Variants in CDH8 observed in about 807,000 individuals in gnomAD.
CDH8 encodes cadherin-8.
CDH8 carries 17 observed loss-of-function variants against 68.1 expected under a neutral mutation model. The observed-to-expected ratio is 0.25, with a 90% confidence interval of 0.17 to 0.37. The LOEUF is 0.37. Ranked by LOEUF, CDH8 falls within the 10% of genes least tolerant of loss-of-function variation. CDH8 has a pLI of 1.00. For synonymous variants in CDH8, 372 were observed against 365.1 expected, an observed-to-expected ratio of 1.02 and a Z score of -0.21; for missense variants, 763 against 999.3, an observed-to-expected ratio of 0.76 and a Z score of 3.19.
At chr16:61,666,206 GTATA>G (rs57098637) in intron 10 of CDH8, among the ~76,000 whole-genome samples, 20 of 145,594 alleles carry the variant, frequency 1.4e-4, no homozygotes, top group South Asian at 6.7e-4. Flanking sequence ...GTGTGTGTGT[GTATA>G]TATATATATA....
At chr16:62,035,007 CTT>C (rs1902419307) in intron 1 of CDH8, 2 of 152,244 alleles carry the variant, frequency 1.3e-5, no homozygotes, top group South Asian at 4.1e-4. Flanking sequence ...CGCAAGGAAA[CTT>C]TGAGGATTCT....
At chr16:61,658,317 T>C (rs1963491614) in intron 10 of CDH8, among the ~76,000 whole-genome samples, 1 of 152,034 alleles carries the variant, frequency 6.6e-6, no homozygotes, top group Non-Finnish European at 1.5e-5. Flanking sequence ...ATGATGCCTT[T>C]TCATTTCATT....
intron 8 of CDH8, among the ~76,000 whole-genome samples, chr16:61,782,489 C>G (rs1199722929): frequency 3.9e-5 from 6 of 152,062 alleles, no homozygotes; most frequent in Non-Finnish European, 8.8e-5. Context: ...GATCAAACTG[C>G]AAGGCAGCAG....
chr16:61,717,156 T>C (rs1198886169), intron 9 of CDH8, among the ~76,000 whole-genome samples: 1 of 151,644 alleles, frequency 6.6e-6, no homozygotes, highest in African/African-American at 2.4e-5. Flanking sequence ...TTAAATATTT[T>C]CCCTTCTGCT....
intron 3 of CDH8, among the ~76,000 whole-genome samples, chr16:61,875,254 T>C (rs1257904813): frequency 6.6e-6 from 1 of 152,172 alleles, no homozygotes; most frequent in Non-Finnish European, 1.5e-5. Context: ...TCATGGCTCT[T>C]ACTGTTTTTA....
chr16:61,800,967 T>C (rs1961610383), intron 7 of CDH8, among the ~76,000 whole-genome samples: 1 of 151,788 alleles, frequency 6.6e-6, no homozygotes, highest in Non-Finnish European at 1.5e-5. Context: ...TGATGCAAAA[T>C]AGAGGATTTA....
chr16:61,979,444 C>T (rs552196742), intron 2 of CDH8, among the ~76,000 whole-genome samples: 1 of 152,232 alleles, frequency 6.6e-6, no homozygotes, highest in South Asian at 2.1e-4. Flanking sequence ...TCAATTCTAC[C>T]ATCTTGCAAA....
At chr16:61,942,888 A>G (rs1181055472) in intron 2 of CDH8, among the ~76,000 whole-genome samples, 1 of 152,106 alleles carries the variant, frequency 6.6e-6, no homozygotes, top group African/African-American at 2.4e-5. Flanking sequence ...CCTGGACAAC[A>G]CGGCAAAACC....
At chr16:61,720,784 A>G (rs1009667932) in intron 9 of CDH8, among the ~76,000 whole-genome samples, 23 of 151,022 alleles carry the variant, frequency 1.5e-4, no homozygotes, top group South Asian at 1.0e-3. Context: ...AGATTTGTCT[A>G]TTATATTGAC....
chr16:61,701,609 A>G (rs112100285), intron 10 of CDH8, among the ~76,000 whole-genome samples: 4 of 152,342 alleles, frequency 2.6e-5, no homozygotes, highest in African/African-American at 9.6e-5. Flanking sequence ...GCAAATTTCC[A>G]GTATTATTCA....
At chr16:61,877,084 T>A (rs1347979536) in intron 3 of CDH8, among the ~76,000 whole-genome samples, 1 of 152,158 alleles carries the variant, frequency 6.6e-6, no homozygotes, top group Non-Finnish European at 1.5e-5. Context: ...ACATTAGGTG[T>A]CATTTCCTTT....
chr16:61,874,883 A>C (rs950373063), intron 3 of CDH8, among the ~76,000 whole-genome samples: 1 of 152,182 alleles, frequency 6.6e-6, no homozygotes, highest in Non-Finnish European at 1.5e-5. Context: ...GGTTCAACAA[A>C]AGGAATCTTT....
chr16:61,692,921 G>T (rs537486491), intron 10 of CDH8: 3 of 152,216 alleles, frequency 2.0e-5, no homozygotes, highest in East Asian at 1.9e-4. Flanking sequence ...TGGCAAAGTG[G>T]TCAACTGAGT....
intron 2 of CDH8, among the ~76,000 whole-genome samples, chr16:61,973,278 TA>T (rs1965376247): frequency 6.6e-6 from 1 of 152,208 alleles, no homozygotes; most frequent in South Asian, 2.1e-4. Context: ...GAATAGTAAA[TA>T]GATTTTCTCT....
chr16:61,811,590 T>C (rs1961950561), intron 7 of CDH8, among the ~76,000 whole-genome samples: 1 of 152,120 alleles, frequency 6.6e-6, no homozygotes, highest in Non-Finnish European at 1.5e-5. Flanking sequence ...TAAAAAGATA[T>C]TAGCACTCCT....
intron 10 of CDH8, among the ~76,000 whole-genome samples, chr16:61,673,563 T>C (rs1963838221): frequency 6.6e-6 from 1 of 152,156 alleles, no homozygotes; most frequent in African/African-American, 2.4e-5. Context: ...TACTTAATGT[T>C]TTATTCAATA....
chr16:61,907,669 A>C (rs1342025178), intron 2 of CDH8, among the ~76,000 whole-genome samples: 1 of 149,950 alleles, frequency 6.7e-6, no homozygotes, highest in African/African-American at 2.5e-5. Context: ...ACAGAGTGAG[A>C]CCCTGTTGCA....
intron 5 of CDH8, 29 bp downstream of exon 5, chr16:61,824,983 T>C: frequency 1.3e-6 from 2 of 1,560,022 alleles, no homozygotes; most frequent in Non-Finnish European, 1.8e-6. Context: ...CATACCAAGA[T>C]TCTCATCCAG....
intron 3 of CDH8, among the ~76,000 whole-genome samples, chr16:61,875,184 C>CT (rs149789155): frequency 1.0e-4 from 15 of 149,802 alleles, no homozygotes; most frequent in African/African-American, 2.9e-4. Flanking sequence ...GTCAACATTA[C>CT]TTTTTTTTTT....
Sources: allele counts gnomAD v4.1 joint callset (sites outside exome capture counted in the v4.1 genomes callset), GRCh38; gene constraint gnomAD v4.1.1; transcripts MANE v1.5; gene names NCBI Gene and HGNC (gene_info 2026-07-23, HGNC 2026-07-21).